The following XKR6 variants were observed in gnomAD, a reference collection of about 807,000 sequenced individuals.
The protein encoded by XKR6 is XK-related protein 6.
A neutral mutation model predicts 56.7 loss-of-function variants in XKR6; 22 were observed. The observed-to-expected ratio is 0.39, with a 90% confidence interval of 0.28 to 0.55. XKR6 has a LOEUF of 0.55. Ranked by LOEUF, XKR6 falls within the 20% of genes least tolerant of loss-of-function variation. The probability of loss-of-function intolerance (pLI) is 0.66; values close to 1 mark genes in which losing one functional copy is unlikely to be tolerated. For missense variants in XKR6, 852 were observed against 889.0 expected (o/e 0.96, Z 0.53); for synonymous variants, 524 against 387.8 (o/e 1.35, Z -4.13).
rs1039759591 is a variant in XKR6, at chr8:10,896,475, C to G, written c.*1477G>C. ...GCTGAACCAAGCCGTGATCCAAGTTCGTCTTACATCAGTTTTGTATATCTC... is the reference window on the plus strand; with the variant it reads ...GCTGAACCAAGCCGTGATCCAAGTTGGTCTTACATCAGTTTTGTATATCTC... On this transcript the variant is annotated 3_prime_UTR_variant, in exon 3 of 3. Coordinates refer to ENST00000416569, the MANE Select transcript of XKR6 (RefSeq NM_173683.4). 6.6e-6 allele frequency: 1 copy of G among 152,590 alleles called. No individual in the cohort carries two copies. Among genetic ancestry groups the G allele is most frequent in the Non-Finnish European group, 1.5e-5 (1 of 68,042 alleles). 9.5% of individuals were successfully genotyped at this position (152,590 alleles called of 1,614,324 possible). A position where few individuals can be genotyped will look rare whatever the true frequency, so the allele number is the denominator to read the frequency against.
intron 1 of XKR6, among the ~76,000 whole-genome samples, chr8:10,954,261 C>T (rs558526200): frequency 6.6e-6 from 1 of 152,330 alleles, no homozygotes; most frequent in East Asian, 1.9e-4. Flanking sequence ...ATCGTGGCTG[C>T]ACCATTTTGT....
rs867433285 is a variant in XKR6, at chr8:10,917,575, C to T, written c.961+7059G>A. 4.6e-5 allele frequency among the ~76,000 whole-genome samples: 7 copies of T among 152,316 alleles called. 1 individual carries two copies. The South Asian group carries it at 1.5e-3, about 32-fold the overall frequency. On this transcript the variant is annotated intron_variant, in intron 2 of 2. Coordinates refer to ENST00000416569, the MANE Select transcript of XKR6 (RefSeq NM_173683.4). Reference sequence around the variant, plus strand: ...GTCACTCTAGGTTCCAGCCCCAGCACAAGTCTGATCCCACCTGGGGATGCC... The same window carrying T: ...GTCACTCTAGGTTCCAGCCCCAGCATAAGTCTGATCCCACCTGGGGATGCC...
intron 1 of XKR6, among the ~76,000 whole-genome samples, chr8:11,127,230 G>C (rs1334689995): frequency 6.6e-6 from 1 of 152,186 alleles, no homozygotes; most frequent in Non-Finnish European, 1.5e-5. Flanking sequence ...TGGTTATTCT[G>C]TTCTACAAGC....
intron 1 of XKR6, among the ~76,000 whole-genome samples, chr8:11,163,453 A>T (rs1359896820): frequency 6.6e-6 from 1 of 152,168 alleles, no homozygotes; most frequent in Non-Finnish European, 1.5e-5. Flanking sequence ...AAGCTCACAA[A>T]ATCCACCAAA....
chr8:11,200,549 C>G lies in XKR6; in HGVS notation c.764+27G>C. 1 of 1,437,348 alleles carries G rather than the reference C, an allele frequency of 7.0e-7. No individual in the cohort carries two copies. The highest frequency in any genetic ancestry group is 9.1e-7 in the Non-Finnish European group (1 of 1,104,856). 89.0% of individuals were successfully genotyped at this position (1,437,348 alleles called of 1,614,324 possible). Reference sequence around the variant, plus strand: ...GCGGAGGGGGGCTCCTCAGGGCCGGCCCGCCCCCACCCCGCAGTGCTCTTA... The same window carrying G: ...GCGGAGGGGGGCTCCTCAGGGCCGGGCCGCCCCCACCCCGCAGTGCTCTTA... On this transcript the variant is annotated intron_variant, in intron 1 of 2. Transcript: ENST00000416569. The surrounding 1 kb of genome is among the most constrained non-coding windows in gnomAD (Gnocchi z 6.4).
intron 1 of XKR6, among the ~76,000 whole-genome samples, chr8:11,119,180 G>A (rs529087383): frequency 8.5e-5 from 13 of 152,230 alleles, no homozygotes; most frequent in African/African-American, 2.4e-4. Context: ...GAGACAGTTT[G>A]TTATAATTTC....
intron 1 of XKR6, among the ~76,000 whole-genome samples, chr8:10,945,114 C>T (rs1005469153): frequency 6.6e-6 from 1 of 152,188 alleles, no homozygotes; most frequent in Non-Finnish European, 1.5e-5. Context: ...CGCCACCCAG[C>T]CTCATTTCCC....
intron 1 of XKR6, among the ~76,000 whole-genome samples, chr8:11,147,651 T>C (rs1025845787): frequency 1.9e-5 from 2 of 106,696 alleles, no homozygotes; most frequent in East Asian, 2.1e-4. Context: ...CGAGACTCTG[T>C]CTCAAAAAAA....
At chr8:11,161,272 T>C (rs142802661) in intron 1 of XKR6, among the ~76,000 whole-genome samples, 1 of 152,300 alleles carries the variant, frequency 6.6e-6, no homozygotes, top group East Asian at 1.9e-4. Context: ...AGAGTTATCT[T>C]GCCACCACCA....
Position 10,896,465 on chromosome 8 carries a change from G to C in XKR6, c.*1487C>G, listed in dbSNP as rs962267822. 2 of 152,498 alleles carry C rather than the reference G, an allele frequency of 1.3e-5. No individual in the cohort carries two copies. The highest frequency in any genetic ancestry group is 4.8e-5 in the African/African-American group (2 of 41,380). The allele number at this position is 152,498 out of a possible 1,614,324, so 9.4% of individuals were successfully genotyped here. ...CCCATGCTCTGCTGAACCAAGCCGT[G>C]ATCCAAGTTCGTCTTACATCAGTTT... On this transcript the variant is annotated 3_prime_UTR_variant, in exon 3 of 3. Coordinates refer to ENST00000416569, the MANE Select transcript of XKR6 (RefSeq NM_173683.4).
chr8:11,148,085 C>A (rs1340438133), intron 1 of XKR6, among the ~76,000 whole-genome samples: 1 of 152,100 alleles, frequency 6.6e-6, no homozygotes, highest in East Asian at 1.9e-4. Flanking sequence ...TGGCATGCAC[C>A]TGTAGTCCCA....
At chr8:10,907,813 C>T (rs1021513073) in intron 2 of XKR6, among the ~76,000 whole-genome samples, 5 of 152,172 alleles carry the variant, frequency 3.3e-5, no homozygotes, top group Non-Finnish European at 7.3e-5. Flanking sequence ...TCTACACAGC[C>T]GAGGACCCAC....
At chr8:11,062,969 C>G in intron 1 of XKR6, 1 of 387,420 alleles carries the variant, frequency 2.6e-6, no homozygotes, top group South Asian at 1.9e-5. Context: ...TCCAGAGCCC[C>G]TGGAGATGGA....
At chr8:11,111,284 A>G (rs1798878526) in intron 1 of XKR6, among the ~76,000 whole-genome samples, 1 of 152,066 alleles carries the variant, frequency 6.6e-6, no homozygotes, top group Admixed American at 6.5e-5. Flanking sequence ...CCAATAATAG[A>G]AGGAGGTGGC....
intron 1 of XKR6, among the ~76,000 whole-genome samples, chr8:11,029,647 C>A (rs972310715): frequency 6.6e-6 from 1 of 152,116 alleles, no homozygotes; most frequent in African/African-American, 2.4e-5. Context: ...CAGTCTCTGG[C>A]TTTCTTCACA....
chr8:10,901,338 G>T (rs538194925), intron 2 of XKR6, among the ~76,000 whole-genome samples: 30 of 152,100 alleles, frequency 2.0e-4, no homozygotes, highest in African/African-American at 6.8e-4. Context: ...TTACAGGCAT[G>T]AGCCACTGTA....
intron 1 of XKR6, among the ~76,000 whole-genome samples, chr8:11,122,162 T>G (rs2898263): frequency 6.6e-6 from 1 of 152,104 alleles, no homozygotes. Context: ...TGATCTTAAG[T>G]CTCCAAGCCC....
intron 1 of XKR6, among the ~76,000 whole-genome samples, chr8:11,155,085 G>A (rs929517397): frequency 6.6e-6 from 1 of 152,120 alleles, no homozygotes; most frequent in Non-Finnish European, 1.5e-5. Flanking sequence ...TCATCCTGAG[G>A]CCCCCAACCA....
At chr8:10,942,540 G>A (rs562389123) in intron 1 of XKR6, among the ~76,000 whole-genome samples, 9 of 152,318 alleles carry the variant, frequency 5.9e-5, no homozygotes, top group East Asian at 5.8e-4. Context: ...CAGAGAGACC[G>A]GGCACACAGA....
Sources: allele counts gnomAD v4.1 joint callset (sites outside exome capture counted in the v4.1 genomes callset), GRCh38; gene constraint gnomAD v4.1.1; non-coding constraint Gnocchi (gnomAD v3.1); transcripts MANE v1.5; gene names NCBI Gene and HGNC (gene_info 2026-07-23, HGNC 2026-07-21).